SYN2: variants seen among roughly 807,000 people sequenced by gnomAD.
SYN2 encodes synapsin-2.
In SYN2, 19 loss-of-function variants were observed where a neutral mutation model predicts 50.9. The ratio of observed to expected loss-of-function variants is 0.37; its 90% confidence interval spans 0.26 to 0.55. The LOEUF (loss-of-function observed/expected upper bound fraction) is 0.55. SYN2 is among the 20% of genes least tolerant of loss of function. The pLI is 0.81. For synonymous variants in SYN2, 255 were observed against 224.9 expected, an observed-to-expected ratio of 1.13 and a Z score of -1.20; for missense variants, 587 against 576.4, an observed-to-expected ratio of 1.02 and a Z score of -0.19.
chr3:12,187,981 C>T (rs1185296814), intron 12 of SYN2, among the ~76,000 whole-genome samples: 1 of 150,996 alleles, frequency 6.6e-6, no homozygotes, highest in Non-Finnish European at 1.5e-5. Context: ...CCCTGTCTCC[C>T]ACTCTTTTTT....
chr3:12,044,207 A>ACCCC (rs559345771), intron 1 of SYN2, among the ~76,000 whole-genome samples: 19 of 144,922 alleles, frequency 1.3e-4, no homozygotes, highest in African/African-American at 2.0e-4. Context: ...ACACACACAC[A>ACCCC]CACACACACA....
chr3:12,027,532 TG>T lies in SYN2; in HGVS notation c.377+22605del, dbSNP rs1291353712. 3.1e-4 allele frequency among the ~76,000 whole-genome samples: 47 copies of T among 152,344 alleles called. 1 individual carries two copies. The highest frequency in any genetic ancestry group is 1.1e-3 in the African/African-American group (47 of 41,596). ...ACAGTACCTGATCAGTTGGGGCTAA[TG>T]TCAGCTTCATCCATTTTACAAAACA... is the stretch of plus-strand genomic sequence containing the variant. On this transcript the variant is annotated intron_variant, in intron 1 of 12. Coordinates refer to ENST00000621198, the MANE Select transcript of SYN2 (RefSeq NM_133625.6).
In SYN2 at chr3:12,151,155, C is replaced by T. The variant is rs757132145; in HGVS notation, c.685-82C>T. 5.1e-6 allele frequency: 5 copies of T among 986,772 alleles called. No individual in the cohort carries two copies. In the East Asian group the frequency reaches 7.8e-5, roughly 15 times the overall value. 61.1% of individuals were successfully genotyped at this position (986,772 alleles called of 1,614,324 possible). On this transcript the variant is annotated intron_variant, in intron 4 of 12. Coordinates refer to ENST00000621198, the MANE Select transcript of SYN2 (RefSeq NM_133625.6). The stretch of plus-strand genomic sequence containing the variant: ...TAAAGTCCTCCACAGAGCAAATGCT[C>T]AATAAATATTTGATGAGTTGATGTT...
chr3:12,018,377 T>G (rs929628910), intron 1 of SYN2, among the ~76,000 whole-genome samples: 10 of 152,192 alleles, frequency 6.6e-5, no homozygotes, highest in Non-Finnish European at 1.3e-4. Context: ...GAAGTTTGGA[T>G]AAGCAGCGTG....
rs1205207443 is a variant in SYN2 at position 12,162,044 on chromosome 3, C to T, written c.870C>T (p.Asp290=). Reference sequence around the variant, plus strand: ...TGGAAAACCACTACGACTTCCAGGACATTGCCAGCGTGGTGGCTCTCACCC... The same window carrying T: ...TGGAAAACCACTACGACTTCCAGGATATTGCCAGCGTGGTGGCTCTCACCC... ...VKVENHYDFQ[D]IASVVALTQT... The change falls in exon 7 of 13, where the codon GAC becomes GAT. Residue 290 remains aspartate, a synonymous_variant. Coordinates refer to ENST00000621198, the MANE Select transcript of SYN2 (RefSeq NM_133625.6). The T allele has an allele frequency of 5.0e-6, 8 of 1,613,926 alleles. No individual in the cohort carries two copies. The highest frequency in any genetic ancestry group is 1.1e-5 in the South Asian group (1 of 91,080).
At chr3:12,112,260 T>C (rs1246343462) in intron 1 of SYN2, among the ~76,000 whole-genome samples, 1 of 152,194 alleles carries the variant, frequency 6.6e-6, no homozygotes, top group Non-Finnish European at 1.5e-5. Context: ...TTGTTCCACT[T>C]CTTTGATCAG....
Position 12,115,596 on chromosome 3 carries a change from TCTTCTG to T in SYN2, c.378-25054_378-25049del, listed in dbSNP as rs386658543. Among the ~76,000 whole-genome samples the T allele has an allele frequency of 8.7e-3, 1,330 of 152,304 alleles. 18 individuals are homozygous for T. The highest frequency in any genetic ancestry group is 0.03 in the African/African-American group (1,266 of 41,574). ...TATTTTTAATAAGCTATCATAGGGT[TCTTCTG>T]AAACCAGTTCCTTAGAAAAGGTGTG... On this transcript the variant is annotated intron_variant, in intron 1 of 12. Coordinates refer to ENST00000621198, the MANE Select transcript of SYN2 (RefSeq NM_133625.6).
chr3:12,161,782 C>A, intron 6 of SYN2, 174 bp downstream of exon 6: 2 of 968,834 alleles, frequency 2.1e-6, no homozygotes, highest in Non-Finnish European at 3.1e-6. Context: ...TTTCAGTAAG[C>A]AGAATGCAAG....
At chr3:12,099,330 G>T (rs764928247) in intron 1 of SYN2, among the ~76,000 whole-genome samples, 1 of 152,104 alleles carries the variant, frequency 6.6e-6, no homozygotes, top group African/African-American at 2.4e-5. Flanking sequence ...AATCTCAATA[G>T]ATTTTAAAGG....
At chr3:12,183,503 G>T in intron 11 of SYN2, 131 bp downstream of exon 11, 1 of 1,587,098 alleles carries the variant, frequency 6.3e-7, no homozygotes, top group Non-Finnish European at 8.6e-7. Context: ...AAAGGAAAGC[G>T]GGGAGGGGAA....
At chr3:12,004,966 C>T (rs750382941) in intron 1 of SYN2, 38 bp downstream of exon 1, 54 of 471,594 alleles carry the variant, frequency 1.1e-4, no homozygotes, top group Non-Finnish European at 7.4e-5. Context: ...GGGTCGGGGT[C>T]CGCCGGCAGC....
At chr3:12,062,111 TC>T (rs1476448017) in intron 1 of SYN2, among the ~76,000 whole-genome samples, 1 of 152,026 alleles carries the variant, frequency 6.6e-6, no homozygotes, top group East Asian at 1.9e-4. Flanking sequence ...CAACTTGATT[TC>T]AAGACTTTTT....
chr3:12,113,089 A>G (rs1482548173), intron 1 of SYN2, among the ~76,000 whole-genome samples: 1 of 152,124 alleles, frequency 6.6e-6, no homozygotes. Context: ...TGGTGGTCTT[A>G]GTCTGTCTGT....
At chr3:12,024,283 A>G (rs1450851565) in intron 1 of SYN2, among the ~76,000 whole-genome samples, 1 of 150,018 alleles carries the variant, frequency 6.7e-6, no homozygotes, top group Non-Finnish European at 1.5e-5. Flanking sequence ...CAGTCTCCTA[A>G]GTAGCTGGGA....
chr3:12,063,941 C>T (rs1695161534), intron 1 of SYN2, among the ~76,000 whole-genome samples: 1 of 151,956 alleles, frequency 6.6e-6, no homozygotes, highest in Non-Finnish European at 1.5e-5. Flanking sequence ...TAAGTGTGAG[C>T]TGTGCATAGT....
Position 12,190,991 on chromosome 3 carries a change from A to G in SYN2, c.*366A>G, listed in dbSNP as rs1362765810. On this transcript the variant is annotated 3_prime_UTR_variant, in exon 13 of 13. Transcript: ENST00000621198. ...TCGTGGACTCCTGGCAGCTTAACCTAGCTCAGTTGCAGTGCTAAGCATGCC... is the reference window on the plus strand; with the variant it reads ...TCGTGGACTCCTGGCAGCTTAACCTGGCTCAGTTGCAGTGCTAAGCATGCC... The G allele has an allele frequency of 9.7e-7, 1 of 1,027,632 alleles. No individual in the cohort carries two copies. The highest frequency in any genetic ancestry group is 1.7e-5 in the African/African-American group (1 of 57,836). 63.7% of individuals were successfully genotyped at this position (1,027,632 alleles called of 1,614,324 possible). A position where few individuals can be genotyped will look rare whatever the true frequency, so the allele number is the denominator to read the frequency against.
At chr3:12,060,730 T>A (rs1159772095) in intron 1 of SYN2, among the ~76,000 whole-genome samples, 2 of 152,164 alleles carry the variant, frequency 1.3e-5, no homozygotes, top group East Asian at 1.9e-4. Context: ...CACTGCAGCA[T>A]GTATTAAACA....
At chr3:12,161,808 T>C in intron 6 of SYN2, 200 bp downstream of exon 6, 1 of 968,300 alleles carries the variant, frequency 1.0e-6, no homozygotes, top group Non-Finnish European at 1.5e-6. Flanking sequence ...TGCTTGGTCC[T>C]CTGGGTCCTT....
At chr3:12,133,855 A>G (rs1696838448) in intron 1 of SYN2, among the ~76,000 whole-genome samples, 1 of 152,230 alleles carries the variant, frequency 6.6e-6, no homozygotes, top group African/African-American at 2.4e-5. Flanking sequence ...TGGTGAGACA[A>G]TGGCATGGCA....
Sources: allele counts gnomAD v4.1 joint callset (sites outside exome capture counted in the v4.1 genomes callset), GRCh38; gene constraint gnomAD v4.1.1; transcripts MANE v1.5; gene names NCBI Gene and HGNC (gene_info 2026-07-23, HGNC 2026-07-21).